Variants in ZNF565 observed in about 807,000 individuals in gnomAD.
ZNF565 encodes the protein zinc finger protein 565.
ZNF565 carries 27 observed loss-of-function variants against 39.4 expected under a neutral mutation model. The observed-to-expected ratio is 0.69, with a 90% CI of 0.51 to 0.95. ZNF565 has a LOEUF of 0.95. Ranked by LOEUF, ZNF565 falls within the 40% of genes least tolerant of loss-of-function variation. The pLI, the probability that ZNF565 is intolerant of heterozygous loss-of-function variation, is 0.00. For missense variants in ZNF565, 524 were observed against 621.1 expected, an observed-to-expected ratio of 0.84 and a Z score of 1.66; for synonymous variants, 185 against 216.6, an observed-to-expected ratio of 0.85 and a Z score of 1.28.
At chr19:36,238,737 CTATTT>C (rs1600005594) in intron 1 of ZNF565, 1 of 167,010 alleles carries the variant, frequency 6.0e-6, no homozygotes. Flanking sequence ...TGAAATTAAT[CTATTT>C]TATTAAAATT....
Position 36,182,356 on chromosome 19 carries a change from G to C in ZNF565, c.*110C>G, listed in dbSNP as rs1290105378. 1.2e-6 allele frequency: 1 copy of C among 862,294 alleles called. No individual in the cohort carries two copies. Among genetic ancestry groups the C allele is most frequent in the Non-Finnish European group, 1.6e-6 (1 of 606,124 alleles). 53.4% of individuals were successfully genotyped at this position (862,294 alleles called of 1,614,324 possible). On this transcript the variant is annotated 3_prime_UTR_variant, in exon 5 of 5. Transcript: ENST00000304116. ...AGTTTTCTGATGTTCTATGATGGAA[G>C]TGACAGGTGTTTTCTGACATTAATT...
chr19:36,236,885 A>G (rs1438899897), intron 1 of ZNF565: 1 of 1,614,156 alleles, frequency 6.2e-7, no homozygotes. Flanking sequence ...GCATGAGAAA[A>G]TCCATATTGG....
At chr19:36,230,619 A>G (rs1165991221) in intron 1 of ZNF565, among the ~76,000 whole-genome samples, 2 of 152,164 alleles carry the variant, frequency 1.3e-5, no homozygotes, top group Non-Finnish European at 2.9e-5. Flanking sequence ...AAAAGTGTTA[A>G]AAGCCCTAAG....
chr19:36,235,541 A>G (rs985286108), intron 1 of ZNF565: 1 of 152,218 alleles, frequency 6.6e-6, no homozygotes, highest in Non-Finnish European at 1.5e-5. Flanking sequence ...GAAAATTAAC[A>G]AATAAAAGTG....
chr19:36,199,804 C>G (rs545684706), intron 2 of ZNF565, among the ~76,000 whole-genome samples: 12 of 151,290 alleles, frequency 7.9e-5, no homozygotes, highest in Middle Eastern at 3.4e-3. Context: ...GTGTGAGCCA[C>G]CATGCCTAAC....
At chr19:36,196,674 C>T (rs1975769827) in intron 2 of ZNF565, among the ~76,000 whole-genome samples, 1 of 152,134 alleles carries the variant, frequency 6.6e-6, no homozygotes, top group Non-Finnish European at 1.5e-5. Flanking sequence ...AATCTAATGT[C>T]TTTCAAAAAT....
intron 1 of ZNF565, among the ~76,000 whole-genome samples, chr19:36,225,621 T>G (rs1418313951): frequency 6.6e-6 from 1 of 151,830 alleles, no homozygotes; most frequent in African/African-American, 2.4e-5. Context: ...TGGCTAGTTT[T>G]TTTGTATTTT....
chr19:36,240,705 C>A (rs1168741405), intron 1 of ZNF565, among the ~76,000 whole-genome samples: 4 of 151,958 alleles, frequency 2.6e-5, no homozygotes, highest in African/African-American at 9.7e-5. Flanking sequence ...CCCGTCTCTA[C>A]TAAAATTACA....
intron 4 of ZNF565, among the ~76,000 whole-genome samples, chr19:36,187,089 C>A: frequency 6.6e-6 from 1 of 151,758 alleles, no homozygotes; most frequent in Non-Finnish European, 1.5e-5. Context: ...ACTCGGGAGG[C>A]TGAGGCAAGA....
At chr19:36,215,298 C>T (rs1304743601), upstream of ZNF565, 1 of 152,250 alleles carries the variant, frequency 6.6e-6, no homozygotes, top group African/African-American at 2.4e-5. Context: ...GGTGTAAGAG[C>T]TTCTGGCCTA....
intron 2 of ZNF565, among the ~76,000 whole-genome samples, chr19:36,196,727 A>G (rs1006969557): frequency 6.6e-6 from 1 of 152,104 alleles, no homozygotes. Context: ...TAATCCCAGC[A>G]CTTTGGGAGG....
intron 1 of ZNF565, among the ~76,000 whole-genome samples, chr19:36,205,399 C>A (rs528645302): frequency 6.6e-6 from 1 of 151,820 alleles, no homozygotes; most frequent in Non-Finnish European, 1.5e-5. Flanking sequence ...TGGTGGGGGG[C>A]GCTTATAATC....
chr19:36,238,652 A>T (rs189584048), intron 1 of ZNF565: 7 of 167,246 alleles, frequency 4.2e-5, no homozygotes, highest in African/African-American at 1.7e-4. Flanking sequence ...TTCCAATTAA[A>T]TACTAAACAT....
At position 36,211,449 on chromosome 19, in the gene ZNF565, T is replaced by TCTCTCACTCA. The variant is rs1229625965; in HGVS notation, c.-66+3172_-66+3173insTGAGTGAGAG. Among the ~76,000 whole-genome samples, 4 of 137,676 alleles carry TCTCTCACTCA rather than the reference T, an allele frequency of 2.9e-5. No individual in the cohort carries two copies. The Admixed American group carries it at 3.0e-4, about 10-fold the overall frequency. The allele number at this position is 137,676 out of a possible 152,430, so 90.3% of individuals were successfully genotyped here. A position where few individuals can be genotyped will look rare whatever the true frequency, so the allele number is the denominator to read the frequency against. On this transcript the variant is annotated intron_variant, in intron 1 of 4. Transcript: ENST00000304116. ...ACAAGAGCCAAACTCCAACTCTCTC[T>TCTCTCACTCA]CACACACACACACACACACACACAC...
chr19:36,194,115 C>T (rs982493276), intron 4 of ZNF565, 118 bp downstream of exon 4: 45 of 722,458 alleles, frequency 6.2e-5, no homozygotes, highest in South Asian at 1.4e-4. Flanking sequence ...CACATCTTCA[C>T]GTTTCAGGCC....
At chr19:36,240,030 A>G (rs1977771573) in intron 1 of ZNF565, among the ~76,000 whole-genome samples, 1 of 152,168 alleles carries the variant, frequency 6.6e-6, no homozygotes, top group Non-Finnish European at 1.5e-5. Context: ...TGCCCTTTAT[A>G]TTATGATGTA....
intron 1 of ZNF565, chr19:36,237,957 G>C (rs1461766716): frequency 6.0e-6 from 1 of 167,002 alleles, no homozygotes; most frequent in Non-Finnish European, 1.5e-5. Flanking sequence ...ATGACCTTGG[G>C]AATAGGGAAA....
In ZNF565 at chr19:36,183,061, G is replaced by A; in HGVS notation, c.905C>T (p.Thr302Ile). 1 of 1,614,216 alleles carries A rather than the reference G, an allele frequency of 6.2e-7. No homozygotes were observed. Among genetic ancestry groups the A allele is most frequent in the Non-Finnish European group, 8.5e-7 (1 of 1,180,052 alleles). ...TTTACACTCATAGGGTCTGGCCCCTGTGTGGATTCTCCGATGCACAGTGAG... is the reference window on the plus strand; with the variant it reads ...TTTACACTCATAGGGTCTGGCCCCTATGTGGATTCTCCGATGCACAGTGAG... ...SQLTVHRRIHTGARPYECKEC... is the reference protein window; with the variant it reads ...SQLTVHRRIHIGARPYECKEC... The change falls in exon 5 of 5, where the codon ACA becomes ATA. Residue 302 changes from threonine (T) to isoleucine (I), a missense_variant. Physicochemically the swap from Thr to Ile is moderately conservative, Grantham distance 89 (BLOSUM62 -1). Coordinates refer to ENST00000304116, the MANE Select transcript of ZNF565 (RefSeq NM_152477.5).
Position 36,191,472 on chromosome 19 carries a change from A to C in ZNF565, c.232+2761T>G, listed in dbSNP as rs535785410. Among the ~76,000 whole-genome samples the C allele has an allele frequency of 9.2e-5, 14 of 152,130 alleles. No individual in the cohort carries two copies. The South Asian group carries it at 2.1e-3, about 23-fold the overall frequency. Reference sequence around the variant, plus strand: ...TGAGAACTGGCTGATTTCAGGGCTGAGGCAGGAAAAATCTGAAATAACCAT... The same window carrying C: ...TGAGAACTGGCTGATTTCAGGGCTGCGGCAGGAAAAATCTGAAATAACCAT... On this transcript the variant is annotated intron_variant, in intron 4 of 4. Coordinates refer to ENST00000304116, the MANE Select transcript of ZNF565 (RefSeq NM_152477.5).
Sources: gnomAD v4.1 joint callset for allele counts (sites outside exome capture counted in the v4.1 genomes callset) on GRCh38, gnomAD v4.1.1 for gene constraint, MANE v1.5 for transcripts, NCBI Gene and HGNC (gene_info 2026-07-23, HGNC 2026-07-21) for gene names.